Variants in LRP1B observed in about 807,000 individuals in gnomAD.
LRP1B encodes the protein low-density lipoprotein receptor-related protein 1B.
A neutral mutation model predicts 556.6 loss-of-function variants in LRP1B; 217 were observed. The ratio of observed to expected loss-of-function variants is 0.39; its 90% CI spans 0.35 to 0.44. The LOEUF is 0.44. LRP1B is among the 20% of genes least tolerant of loss of function. LRP1B has a pLI of 1.00. For synonymous variants in LRP1B, 2,047 were observed against 1,865.8 expected, an observed-to-expected ratio of 1.10 and a Z score of -2.50; for missense variants, 5,053 against 5,620.8, an observed-to-expected ratio of 0.90 and a Z score of 3.23.
intron 60 of LRP1B, among the ~76,000 whole-genome samples, chr2:140,470,013 T>A (rs1219017514): frequency 2.0e-5 from 3 of 152,208 alleles, no homozygotes; most frequent in African/African-American, 7.2e-5. Flanking sequence ...AGGCTTCTAA[T>A]AAAAGACTTA....
At chr2:141,633,523 G>A (rs1264654709) in intron 2 of LRP1B, among the ~76,000 whole-genome samples, 1 of 152,008 alleles carries the variant, frequency 6.6e-6, no homozygotes, top group Non-Finnish European at 1.5e-5. Flanking sequence ...TCTTTCCCAG[G>A]AAAGTGTTTG....
At chr2:140,519,314 A>G (rs6430910) in intron 49 of LRP1B, among the ~76,000 whole-genome samples, 111,038 of 151,372 alleles carry the variant, frequency 0.73, 41,238 homozygotes, top group Middle Eastern at 0.88. Flanking sequence ...CTACACGTCT[A>G]CAACCATCTG....
chr2:140,679,605 G>A lies in LRP1B; in HGVS notation c.6799+20645C>T, dbSNP rs374625617. Among the ~76,000 whole-genome samples, 28 of 152,286 alleles carry A rather than the reference G, an allele frequency of 1.8e-4. 1 individual carries two copies. In the South Asian group the frequency reaches 5.2e-3, roughly 28 times the overall value. ...AAGAACAAATTAAATCAACCCCTCC[G>A]TACTGTAACTTGGTCAGAATGTGGT... On this transcript the variant is annotated intron_variant, in intron 41 of 90. Coordinates refer to ENST00000389484, the MANE Select transcript of LRP1B (RefSeq NM_018557.3).
chr2:141,601,812 A>C (rs560822521), intron 2 of LRP1B, among the ~76,000 whole-genome samples: 1 of 152,208 alleles, frequency 6.6e-6, no homozygotes, highest in East Asian at 1.9e-4. Flanking sequence ...CATGTTGGCC[A>C]GGCTGGTTTT....
In LRP1B at chr2:140,893,814, T is replaced by A. The variant is rs114814756; in HGVS notation, c.3767-7479A>T. ...GGAATATGTGAAGAAGATGACTAAA[T>A]GAAGCGACATATGTGAAAGTGCTTT... On this transcript the variant is annotated intron_variant, in intron 23 of 90. Coordinates refer to ENST00000389484, the MANE Select transcript of LRP1B (RefSeq NM_018557.3). Among the ~76,000 whole-genome samples, 620 of 152,304 alleles carry A rather than the reference T, an allele frequency of 4.1e-3. 4 individuals carry two copies. Among genetic ancestry groups the A allele is most frequent in the African/African-American group, 0.014 (566 of 41,570 alleles).
intron 21 of LRP1B, among the ~76,000 whole-genome samples, chr2:140,920,878 T>G (rs1226771637): frequency 1.3e-5 from 2 of 152,030 alleles, no homozygotes; most frequent in Non-Finnish European, 2.9e-5. Context: ...ATTAAATCGA[T>G]AATCCAAATC....
chr2:140,976,807 A>G (rs957942408), intron 18 of LRP1B, among the ~76,000 whole-genome samples: 1 of 152,008 alleles, frequency 6.6e-6, no homozygotes, highest in Non-Finnish European at 1.5e-5. Flanking sequence ...CACCACACCC[A>G]GCCTGAACTA....
At chr2:141,733,674 A>G (rs903015753) in intron 2 of LRP1B, among the ~76,000 whole-genome samples, 2 of 152,056 alleles carry the variant, frequency 1.3e-5, no homozygotes, top group African/African-American at 4.8e-5. Context: ...CCACATCATC[A>G]TAGTTGTCTT....
intron 1 of LRP1B, among the ~76,000 whole-genome samples, chr2:141,983,856 T>C (rs1289225829): frequency 6.6e-6 from 1 of 151,854 alleles, no homozygotes; most frequent in East Asian, 1.9e-4. Context: ...AGGTCAGGAG[T>C]TCGACACCGG....
intron 4 of LRP1B, among the ~76,000 whole-genome samples, chr2:141,248,029 G>A (rs1684130362): frequency 6.6e-6 from 1 of 152,244 alleles, no homozygotes; most frequent in South Asian, 2.1e-4. Context: ...CCAACATGGT[G>A]AGACCCTGTC....
chr2:140,742,939 G>A (rs1056959069), intron 35 of LRP1B, among the ~76,000 whole-genome samples: 4 of 152,036 alleles, frequency 2.6e-5, no homozygotes, highest in Non-Finnish European at 4.4e-5. Flanking sequence ...AAGGCAAAAC[G>A]GGTGTCTCCA....
At chr2:140,832,855 T>C (rs979745992) in intron 31 of LRP1B, among the ~76,000 whole-genome samples, 3 of 125,204 alleles carry the variant, frequency 2.4e-5, no homozygotes, top group East Asian at 4.8e-4. Flanking sequence ...TTAACAATAA[T>C]GTATTGTCTA....
intron 6 of LRP1B, among the ~76,000 whole-genome samples, chr2:141,204,220 A>G (rs776133171): frequency 2.0e-5 from 3 of 152,242 alleles, no homozygotes; most frequent in East Asian, 1.9e-4. Flanking sequence ...GGAGACATAA[A>G]TTATAAAAAT....
chr2:141,980,705 A>C (rs1280287112), intron 1 of LRP1B, among the ~76,000 whole-genome samples: 11 of 152,180 alleles, frequency 7.2e-5, no homozygotes, highest in Non-Finnish European at 2.9e-5. Context: ...TGCACTGTCC[A>C]ATGTGGAAGT....
Position 141,782,322 on chromosome 2 carries a change from T to C in LRP1B, c.205+27957A>G, listed in dbSNP as rs17746812. ...TCTCTCATCTTCTAAGTAATAGTAATGGATTTTACCACAGATTCATTCCCA... is the reference window on the plus strand; with the variant it reads ...TCTCTCATCTTCTAAGTAATAGTAACGGATTTTACCACAGATTCATTCCCA... On this transcript the variant is annotated intron_variant, in intron 2 of 90. Coordinates refer to ENST00000389484, the MANE Select transcript of LRP1B (RefSeq NM_018557.3). 9.6e-3 allele frequency among the ~76,000 whole-genome samples: 1,468 copies of C among 152,192 alleles called. 16 individuals carry two copies. The highest frequency in any genetic ancestry group is 0.035 in the South Asian group (168 of 4,830).
intron 43 of LRP1B, among the ~76,000 whole-genome samples, chr2:140,565,181 A>G (rs1023209028): frequency 3.3e-5 from 5 of 150,858 alleles, no homozygotes; most frequent in Admixed American, 2.0e-4. Flanking sequence ...TATATATTTT[A>G]TTTTATGACA....
In LRP1B at chr2:141,295,746, AACACACACACAC is replaced by A. The variant is rs376812743; in HGVS notation, c.344-41117_344-41106del. On this transcript the variant is annotated intron_variant, in intron 3 of 90. Coordinates refer to ENST00000389484, the MANE Select transcript of LRP1B (RefSeq NM_018557.3). ...ACTCCAACTTTACTATGAGGAGAGA[AACACACACACAC>A]ACACACACACACACACACACACACA... 4.2e-3 allele frequency among the ~76,000 whole-genome samples: 543 copies of A among 130,600 alleles called. 2 individuals are homozygous for A. The highest frequency in any genetic ancestry group is 0.015 in the African/African-American group (517 of 34,878). 85.7% of individuals were successfully genotyped at this position (130,600 alleles called of 152,430 possible).
At chr2:141,099,800 G>GT (rs776246750) in intron 7 of LRP1B, among the ~76,000 whole-genome samples, 19 of 152,146 alleles carry the variant, frequency 1.2e-4, no homozygotes, top group Non-Finnish European at 2.2e-4. Context: ...GTATTGATAT[G>GT]TTTTGAGTTC....
intron 37 of LRP1B, among the ~76,000 whole-genome samples, chr2:140,713,146 C>A (rs537034986): frequency 2.9e-4 from 44 of 152,078 alleles, no homozygotes; most frequent in South Asian, 6.2e-4. Context: ...GTATGCTTTA[C>A]TGAGTATTTC....
Sources: gnomAD v4.1 joint callset for allele counts (sites outside exome capture counted in the v4.1 genomes callset) on GRCh38, gnomAD v4.1.1 for gene constraint, MANE v1.5 for transcripts, NCBI Gene and HGNC (gene_info 2026-07-23, HGNC 2026-07-21) for gene names.